Variants in ETV6 observed in about 807,000 individuals in gnomAD.
ETV6 encodes the protein transcription factor ETV6.
A neutral mutation model predicts 51.1 loss-of-function variants in ETV6; 16 were observed. The ratio of observed to expected loss-of-function variants is 0.31; its 90% CI spans 0.21 to 0.48. ETV6 has a LOEUF of 0.48. ETV6 is among the 20% of genes least tolerant of loss of function. The pLI, the probability that ETV6 is intolerant of heterozygous loss-of-function variation, is 0.99. For missense variants in ETV6, 458 were observed against 594.8 expected, an observed-to-expected ratio of 0.77 and a Z score of 2.39; for synonymous variants, 240 against 224.1, an observed-to-expected ratio of 1.07 and a Z score of -0.64.
intron 2 of ETV6, among the ~76,000 whole-genome samples, chr12:11,812,669 A>G (rs1265193175): frequency 6.6e-6 from 1 of 152,034 alleles, no homozygotes; most frequent in Non-Finnish European, 1.5e-5. Flanking sequence ...TTTCACAGCC[A>G]CCACAAAGCC....
intron 2 of ETV6, among the ~76,000 whole-genome samples, chr12:11,790,786 T>A (rs1386873577): frequency 1.3e-5 from 2 of 150,750 alleles, no homozygotes; most frequent in Admixed American, 6.6e-5. Context: ...CAAGCGATTC[T>A]CCTGCCTCAG....
intron 3 of ETV6, chr12:11,840,594 C>T (rs1011444286): frequency 1.0e-4 from 45 of 445,280 alleles, no homozygotes; most frequent in South Asian, 6.8e-4. Context: ...CATGAGGAAA[C>T]GTCCCTCATT....
intron 2 of ETV6, among the ~76,000 whole-genome samples, chr12:11,767,062 C>G (rs983086314): frequency 6.6e-6 from 1 of 151,986 alleles, no homozygotes; most frequent in African/African-American, 2.4e-5. Context: ...AGAAGGATGG[C>G]GGTATCATTT....
At chr12:11,847,125 A>T (rs1946478371) in intron 3 of ETV6, among the ~76,000 whole-genome samples, 1 of 152,150 alleles carries the variant, frequency 6.6e-6, no homozygotes, top group Non-Finnish European at 1.5e-5. Flanking sequence ...AGGCCCACTG[A>T]GAGACGAGGT....
intron 2 of ETV6, among the ~76,000 whole-genome samples, chr12:11,779,448 C>T (rs561814078): frequency 6.6e-6 from 1 of 152,220 alleles, no homozygotes; most frequent in Non-Finnish European, 1.5e-5. Context: ...TAATCATTCA[C>T]GTCAAGAAAG....
rs546055778 is a variant in ETV6, at chr12:11,666,536, A to G, written c.33+16376A>G. On this transcript the variant is annotated intron_variant, in intron 1 of 7. Coordinates refer to ENST00000396373, the MANE Select transcript of ETV6 (RefSeq NM_001987.5). ...TTAAGAGAGTGTGTTAGGGTTATGA[A>G]TCTGATTAAGTGTGATCTGATAAGT... Among the ~76,000 whole-genome samples, 9 of 152,322 alleles carry G rather than the reference A, an allele frequency of 5.9e-5. No individual in the cohort carries two copies. The East Asian group carries it at 1.5e-3, about 26-fold the overall frequency.
At chr12:11,778,527 CAGA>C (rs1417193894) in intron 2 of ETV6, among the ~76,000 whole-genome samples, 2 of 152,118 alleles carry the variant, frequency 1.3e-5, no homozygotes, top group East Asian at 3.9e-4. Context: ...TGAATCAAAC[CAGA>C]AGAAGCAGGC....
chr12:11,777,239 CAAAA>C (rs5796465), intron 2 of ETV6, among the ~76,000 whole-genome samples: 11 of 78,890 alleles, frequency 1.4e-4, no homozygotes, highest in Admixed American at 4.8e-4. Flanking sequence ...GACTCCGTGT[CAAAA>C]AAAAAAAAAA....
chr12:11,890,865 A>G (rs1947275836), intron 7 of ETV6, 76 bp from the exon 8 acceptor site: 2 of 1,100,310 alleles, frequency 1.8e-6, no homozygotes, highest in Non-Finnish European at 2.8e-6. Context: ...CTTTCTTTAT[A>G]TACAGGCTAG....
intron 1 of ETV6, among the ~76,000 whole-genome samples, chr12:11,741,646 T>C (rs748274727): frequency 1.3e-5 from 2 of 152,208 alleles, no homozygotes; most frequent in Non-Finnish European, 2.9e-5. Context: ...GTTGTTCATA[T>C]GTAGGTCAGG....
At chr12:11,780,519 A>T (rs1043739487) in intron 2 of ETV6, among the ~76,000 whole-genome samples, 1 of 152,238 alleles carries the variant, frequency 6.6e-6, no homozygotes, top group African/African-American at 2.4e-5. Flanking sequence ...AAGGTAGCAG[A>T]AGCAAAAGGA....
intron 1 of ETV6, among the ~76,000 whole-genome samples, chr12:11,675,300 T>C (rs1018011051): frequency 2.6e-5 from 4 of 152,170 alleles, no homozygotes; most frequent in African/African-American, 4.8e-5. Context: ...AGAGCAAAAA[T>C]AAAGCAAATA....
chr12:11,713,364 GTC>G (rs1343590569), intron 1 of ETV6, among the ~76,000 whole-genome samples: 2 of 152,168 alleles, frequency 1.3e-5, no homozygotes, highest in Admixed American at 6.5e-5. Flanking sequence ...GCCTTTGTGT[GTC>G]TAGACTTTCC....
intron 1 of ETV6, among the ~76,000 whole-genome samples, chr12:11,684,498 CAT>C (rs1202088829): frequency 2.0e-4 from 30 of 152,220 alleles, no homozygotes; most frequent in Non-Finnish European, 4.4e-5. Flanking sequence ...AACTTCCACA[CAT>C]ATTCAGAAGT....
Position 11,649,970 on chromosome 12 carries a change from C to T in ETV6, c.-158C>T. 1.9e-6 allele frequency: 1 copy of T among 527,152 alleles called. No homozygotes were observed. The highest frequency in any genetic ancestry group is 3.2e-6 in the Non-Finnish European group (1 of 312,512). The allele number at this position is 527,152 out of a possible 1,614,324, so 32.7% of individuals were successfully genotyped here. On this transcript the variant is annotated 5_prime_UTR_variant, in exon 1 of 8. Transcript: ENST00000396373. ...ACTCCGCCGGCCGCCCCGCCCCGCC[C>T]CGCGCGCTCCAGACCCCCGGGGCGG...
At chr12:11,697,347 AG>A (rs1339936513) in intron 1 of ETV6, among the ~76,000 whole-genome samples, 1 of 152,220 alleles carries the variant, frequency 6.6e-6, no homozygotes, top group African/African-American at 2.4e-5. Context: ...CAGAGGCTGC[AG>A]GCATCTGAAC....
chr12:11,853,574 G>T lies in ETV6; in HGVS notation c.463+13G>T, dbSNP rs200430889. 8 of 1,613,714 alleles carry T rather than the reference G, an allele frequency of 5.0e-6. No homozygotes were observed. Among genetic ancestry groups the T allele is most frequent in the Non-Finnish European group, 8.5e-7 (1 of 1,179,802 alleles). On this transcript the variant is annotated intron_variant, in intron 4 of 7. Transcript: ENST00000396373. ...AACCATGAAGAAGGTACTGGAAGAGGTTTCTCTTTTCTTGCCTGAGGTTTA... is the reference window on the plus strand; with the variant it reads ...AACCATGAAGAAGGTACTGGAAGAGTTTTCTCTTTTCTTGCCTGAGGTTTA...
At chr12:11,811,381 C>T (rs1304350072) in intron 2 of ETV6, among the ~76,000 whole-genome samples, 1 of 152,244 alleles carries the variant, frequency 6.6e-6, no homozygotes, top group Non-Finnish European at 1.5e-5. Context: ...CAGCTATCTG[C>T]TTATCTGTCT....
intron 1 of ETV6, among the ~76,000 whole-genome samples, chr12:11,665,250 C>G (rs984572659): frequency 5.3e-5 from 8 of 152,326 alleles, no homozygotes; most frequent in Admixed American, 4.6e-4. Flanking sequence ...CCGCCCAACT[C>G]GGCCTCCCAA....
Sources: allele counts gnomAD v4.1 joint callset (sites outside exome capture counted in the v4.1 genomes callset), GRCh38; gene constraint gnomAD v4.1.1; transcripts MANE v1.5; gene names NCBI Gene and HGNC (gene_info 2026-07-23, HGNC 2026-07-21).